Variants in NRXN1 observed in about 807,000 individuals in gnomAD.
The protein encoded by NRXN1 is neurexin-1.
Under a neutral mutation model 150.9 loss-of-function variants are expected in NRXN1, and 39 were observed. That is an observed-to-expected ratio of 0.26 (90% CI 0.20 to 0.34). The LOEUF (loss-of-function observed/expected upper bound fraction) is 0.34. NRXN1 is among the 10% of genes least tolerant of loss of function. The pLI is 1.00. For synonymous variants in NRXN1, 924 were observed against 757.0 expected (o/e 1.22, Z -3.62); for missense variants, 1,815 against 1,949.9 (o/e 0.93, Z 1.30).
chr2:50,875,495 A>G (rs1678439750), intron 5 of NRXN1, among the ~76,000 whole-genome samples: 2 of 151,732 alleles, frequency 1.3e-5, no homozygotes, highest in Non-Finnish European at 1.5e-5. Context: ...TCAAATCTTT[A>G]TCCTAAAATC....
At chr2:50,946,709 C>T (rs1340588164) in intron 2 of NRXN1, among the ~76,000 whole-genome samples, 1 of 152,100 alleles carries the variant, frequency 6.6e-6, no homozygotes, top group Non-Finnish European at 1.5e-5. Flanking sequence ...AAATTACACT[C>T]ACCTCAATAT....
At chr2:50,947,049 T>A (rs892760474) in intron 2 of NRXN1, among the ~76,000 whole-genome samples, 1 of 152,168 alleles carries the variant, frequency 6.6e-6, no homozygotes, top group Non-Finnish European at 1.5e-5. Flanking sequence ...GGGCAGGGAA[T>A]AGCTAAGTAA....
chr2:50,926,831 T>C (rs1448801434), intron 2 of NRXN1, among the ~76,000 whole-genome samples: 1 of 151,940 alleles, frequency 6.6e-6, no homozygotes, highest in African/African-American at 2.4e-5. Context: ...TGTGTACCTA[T>C]GTATATATGT....
intron 18 of NRXN1, among the ~76,000 whole-genome samples, chr2:50,192,678 C>T (rs879808911): frequency 2.0e-5 from 3 of 152,146 alleles, no homozygotes; most frequent in African/African-American, 7.2e-5. Context: ...GCAATCTCTG[C>T]TCACTGCAAC....
intron 5 of NRXN1, among the ~76,000 whole-genome samples, chr2:50,778,797 G>A (rs1251104696): frequency 6.6e-6 from 1 of 152,090 alleles, no homozygotes; most frequent in Non-Finnish European, 1.5e-5. Flanking sequence ...TTACAAAGGT[G>A]ACATGAATAA....
In NRXN1 at chr2:51,027,485, C is replaced by G; in HGVS notation, c.772+17G>C. Reference sequence around the variant, plus strand: ...CGCCCAGGCCCCGGCCCCCGTGGGTCGGGCGTCGGGCCTTACCTTGGCTGC... The same window carrying G: ...CGCCCAGGCCCCGGCCCCCGTGGGTGGGGCGTCGGGCCTTACCTTGGCTGC... On this transcript the variant is annotated intron_variant, in intron 2 of 22. Transcript: ENST00000401669. 1 of 1,497,970 alleles carries G rather than the reference C, an allele frequency of 6.7e-7. No individual in the cohort carries two copies. 92.8% of individuals were successfully genotyped at this position (1,497,970 alleles called of 1,614,324 possible).
chr2:50,460,553 T>C (rs2088070220), intron 17 of NRXN1, among the ~76,000 whole-genome samples: 1 of 152,084 alleles, frequency 6.6e-6, no homozygotes, highest in South Asian at 2.1e-4. Context: ...AGACCAATGC[T>C]TCCATTTATG....
chr2:50,089,298 G>T (rs960654359), intron 19 of NRXN1, among the ~76,000 whole-genome samples: 2 of 152,158 alleles, frequency 1.3e-5, no homozygotes, highest in African/African-American at 4.8e-5. Flanking sequence ...TTATCATTTT[G>T]CACGTTCAGG....
At chr2:50,747,578 C>A (rs1197347847) in intron 5 of NRXN1, among the ~76,000 whole-genome samples, 1 of 152,080 alleles carries the variant, frequency 6.6e-6, no homozygotes, top group South Asian at 2.1e-4. Flanking sequence ...TCGATTCAGA[C>A]ATCAAAGCCA....
chr2:50,126,028 C>G (rs762222768), intron 18 of NRXN1, among the ~76,000 whole-genome samples: 1 of 151,906 alleles, frequency 6.6e-6, no homozygotes, highest in East Asian at 1.9e-4. Flanking sequence ...AGGAACAGAA[C>G]GAAGCAGAAC....
At chr2:50,829,999 G>GAAAAACAAAAAAA (rs1671172215) in intron 5 of NRXN1, among the ~76,000 whole-genome samples, 1 of 58,206 alleles carries the variant, frequency 1.7e-5, no homozygotes, top group Non-Finnish European at 2.6e-5. Context: ...CTGCCTGCTG[G>GAAAAACAAAAAAA]AAAAAAAAAA....
At chr2:50,278,264 T>TTATATATATTA (rs373512653) in intron 17 of NRXN1, among the ~76,000 whole-genome samples, 1 of 66,246 alleles carries the variant, frequency 1.5e-5, no homozygotes, top group African/African-American at 5.7e-5. Context: ...ATTATATATA[T>TTATATATATTA]TATATATGTA....
chr2:50,148,618 C>A (rs982526478), intron 18 of NRXN1, among the ~76,000 whole-genome samples: 1 of 151,658 alleles, frequency 6.6e-6, no homozygotes, highest in African/African-American at 2.4e-5. Context: ...TGAAAAAGTT[C>A]CAAGTTTTGG....
intron 5 of NRXN1, among the ~76,000 whole-genome samples, chr2:50,695,997 C>T (rs535860397): frequency 2.8e-4 from 42 of 152,150 alleles, no homozygotes; most frequent in African/African-American, 8.9e-4. Context: ...CGCCCACCAC[C>T]ATGCTTGGCT....
intron 5 of NRXN1, among the ~76,000 whole-genome samples, chr2:50,894,344 G>A (rs1681584604): frequency 6.7e-6 from 1 of 149,780 alleles, no homozygotes; most frequent in African/African-American, 2.4e-5. Flanking sequence ...AAAAAAACCT[G>A]ACTCATTCTC....
intron 21 of NRXN1, among the ~76,000 whole-genome samples, chr2:49,992,614 T>C (rs1682194389): frequency 2.6e-5 from 4 of 151,768 alleles, no homozygotes; most frequent in Admixed American, 2.6e-4. Flanking sequence ...TCTGAAAAAC[T>C]CTGTTAAGAA....
At chr2:50,774,861 C>T (rs540273455) in intron 5 of NRXN1, among the ~76,000 whole-genome samples, 87 of 152,190 alleles carry the variant, frequency 5.7e-4, no homozygotes, top group African/African-American at 2.0e-3. Context: ...CATTTCTATT[C>T]CCATCCCAAT....
intron 5 of NRXN1, among the ~76,000 whole-genome samples, chr2:50,868,754 G>A (rs1677335796): frequency 2.6e-5 from 4 of 151,698 alleles, no homozygotes. Flanking sequence ...TTATTTCCAT[G>A]TTGGCAATAG....
chr2:51,003,994 G>A (rs182137295), intron 2 of NRXN1, among the ~76,000 whole-genome samples: 1 of 151,438 alleles, frequency 6.6e-6, no homozygotes, highest in African/African-American at 2.4e-5. Flanking sequence ...GAATGCCTTC[G>A]CTCTTTATCC....
Sources: allele counts gnomAD v4.1 joint callset (sites outside exome capture counted in the v4.1 genomes callset), GRCh38; gene constraint gnomAD v4.1.1; transcripts MANE v1.5; gene names NCBI Gene and HGNC (gene_info 2026-07-23, HGNC 2026-07-21).